The following MYCBP2 variants were observed in gnomAD, a reference collection of about 807,000 sequenced individuals.
MYCBP2 encodes E3 ubiquitin-protein ligase MYCBP2.
Under a neutral mutation model 525.3 loss-of-function variants are expected in MYCBP2, and 120 were observed. The observed-to-expected ratio is 0.23, with a 90% CI of 0.20 to 0.27. The LOEUF is 0.27. Ranked by LOEUF, MYCBP2 falls within the 10% of genes least tolerant of loss-of-function variation. The pLI, the probability that MYCBP2 is intolerant of heterozygous loss-of-function variation, is 1.00. For synonymous variants in MYCBP2, 1,894 were observed against 1,955.8 expected, an observed-to-expected ratio of 0.97 and a Z score of 0.83; for missense variants, 4,149 against 5,657.1, an observed-to-expected ratio of 0.73 and a Z score of 8.55.
chr13:77,049,644 A>G (rs747011350), intron 82 of MYCBP2, among the ~76,000 whole-genome samples: 2 of 151,666 alleles, frequency 1.3e-5, no homozygotes, highest in Non-Finnish European at 2.9e-5. Context: ...CTGTTCTGCA[A>G]TTTGCTTTTT....
At chr13:77,119,341 T>C (rs1464596882) in intron 55 of MYCBP2, among the ~76,000 whole-genome samples, 2 of 152,130 alleles carry the variant, frequency 1.3e-5, no homozygotes, top group Non-Finnish European at 2.9e-5. Flanking sequence ...AACTGGAAAA[T>C]AGTATCTTTC....
intron 17 of MYCBP2, among the ~76,000 whole-genome samples, chr13:77,241,257 T>G (rs1385588019): frequency 6.6e-6 from 1 of 152,188 alleles, no homozygotes; most frequent in Non-Finnish European, 1.5e-5. Context: ...CTTTATTTCC[T>G]ATATGCACAA....
chr13:77,210,863 A>G (rs1212203657), intron 23 of MYCBP2, among the ~76,000 whole-genome samples: 2 of 152,200 alleles, frequency 1.3e-5, no homozygotes, highest in East Asian at 3.8e-4. Context: ...CCTCTGTAGT[A>G]TTAGCATCCC....
rs1482770535 is a variant in MYCBP2, at chr13:77,098,468, A to C, written c.8686T>G (p.Ser2896Ala). The C allele has an allele frequency of 6.2e-7, 1 of 1,613,548 alleles. No homozygotes were observed. Among genetic ancestry groups the C allele is most frequent in the African/African-American group, 1.3e-5 (1 of 74,882 alleles). ...ACTGATTTTGGTTTTGGTGACGTTG[A>C]CCGTCCTCTCAAAGGTTCTGTGAGG... ...MPLTEPLRGR[S>A]TSPKPKSVPK... The change falls in exon 56 of 83, where the codon TCA (serine) becomes GCA (alanine). Residue 2896 changes from serine to alanine, a missense_variant. Ser to Ala is a moderately conservative substitution (Grantham distance 99, BLOSUM62 1). Coordinates refer to ENST00000544440, the MANE Select transcript of MYCBP2 (RefSeq NM_015057.5).
intron 43 of MYCBP2, among the ~76,000 whole-genome samples, 164 bp from the exon 44 acceptor site, chr13:77,162,119 T>C (rs147793109): frequency 5.3e-5 from 8 of 152,328 alleles, no homozygotes; most frequent in African/African-American, 1.9e-4. Flanking sequence ...TACAGTTTAA[T>C]ATATAAGATA....
rs866047341 is a variant in MYCBP2, at chr13:77,221,166, C to T, written c.2940-3209G>A. Among the ~76,000 whole-genome samples the T allele has an allele frequency of 9.9e-5, 15 of 151,392 alleles. No homozygotes were observed. The Middle Eastern group carries it at 0.014, about 137-fold the overall frequency. ...ACCAATGTTTAATCTTCATAAGAAACCCTGATATTTTGTTTCAACATTAAA... is the reference window on the plus strand; with the variant it reads ...ACCAATGTTTAATCTTCATAAGAAATCCTGATATTTTGTTTCAACATTAAA... On this transcript the variant is annotated intron_variant, in intron 20 of 82. Coordinates refer to ENST00000544440, the MANE Select transcript of MYCBP2 (RefSeq NM_015057.5).
chr13:77,121,428 A>G lies in MYCBP2; in HGVS notation c.8085T>C (p.Asn2695=). Residue 2695 remains asparagine, a synonymous_variant, in exon 55 of 83, where the codon AAT becomes AAC. Coordinates refer to ENST00000544440, the MANE Select transcript of MYCBP2 (RefSeq NM_015057.5). ...PPSPFSVQAF[N]KGASCSAQGF... ...CTTGGGCACTGCAACTTGCCCCTTT[A>G]TTAAAAGCTTGCACTGAGAAAGGGC... 1 of 1,598,620 alleles carries G rather than the reference A, an allele frequency of 6.3e-7. No individual in the cohort carries two copies. Among genetic ancestry groups the G allele is most frequent in the Non-Finnish European group, 8.6e-7 (1 of 1,169,382 alleles).
chr13:77,093,086 C>G, intron 59 of MYCBP2, 79 bp downstream of exon 59: 2 of 1,390,210 alleles, frequency 1.4e-6, no homozygotes, highest in Non-Finnish European at 1.9e-6. Context: ...TAAAGAACTT[C>G]TACAGGACTC....
At chr13:77,159,383 T>G (rs536512083) in intron 44 of MYCBP2, among the ~76,000 whole-genome samples, 1 of 147,816 alleles carries the variant, frequency 6.8e-6, no homozygotes, top group East Asian at 2.0e-4. Flanking sequence ...TGGGACACCA[T>G]TTTTTTTTTT....
chr13:77,135,647 ATACTG>A (rs1243020504), intron 52 of MYCBP2, among the ~76,000 whole-genome samples: 1 of 152,140 alleles, frequency 6.6e-6, no homozygotes, highest in Admixed American at 6.5e-5. Flanking sequence ...TAATTTTGCC[ATACTG>A]TACCCCATCT....
rs2040448546 is a variant in MYCBP2 at position 77,067,765 on chromosome 13, T to C, written c.12271A>G (p.Ile4091Val). The C allele has an allele frequency of 6.2e-7, 1 of 1,613,960 alleles. No individual in the cohort carries two copies. The highest frequency in any genetic ancestry group is 8.5e-7 in the Non-Finnish European group (1 of 1,179,950). Residue 4091 changes from isoleucine to valine, a missense_variant, in exon 71 of 83, where the codon ATC becomes GTC. Coordinates refer to ENST00000544440, the MANE Select transcript of MYCBP2 (RefSeq NM_015057.5). ...TCTCCTTTCTCTGTTGAGTGAATGA[T>C]ATCACTGATATCTGCTGGGGGGAGG... The part of the protein sequence containing the change: ...KSLPPADISD[I>V]IHSTEKGDWN...
chr13:77,195,489 C>T (rs192334427), intron 26 of MYCBP2, among the ~76,000 whole-genome samples: 226 of 152,108 alleles, frequency 1.5e-3, no homozygotes, highest in African/African-American at 4.3e-3. Context: ...CCCAGCTACT[C>T]GGGAAGCTGA....
chr13:77,050,320 G>GC (rs1446953098), intron 82 of MYCBP2, among the ~76,000 whole-genome samples: 1 of 152,082 alleles, frequency 6.6e-6, no homozygotes, highest in African/African-American at 2.4e-5. Flanking sequence ...ATGTACTTGT[G>GC]CATGTATTTT....
chr13:77,092,268 C>T (rs2045559474), intron 59 of MYCBP2, among the ~76,000 whole-genome samples: 1 of 152,146 alleles, frequency 6.6e-6, no homozygotes, highest in Admixed American at 6.5e-5. Flanking sequence ...TTATTCGTGA[C>T]TGAAATCTTC....
intron 55 of MYCBP2, among the ~76,000 whole-genome samples, chr13:77,114,415 A>C (rs1194412694): frequency 2.0e-5 from 3 of 152,166 alleles, no homozygotes; most frequent in Non-Finnish European, 4.4e-5. Flanking sequence ...CAGACCTGTC[A>C]GATAACTTAG....
chr13:77,201,234 G>T (rs2062498758), intron 26 of MYCBP2, among the ~76,000 whole-genome samples: 1 of 149,780 alleles, frequency 6.7e-6, no homozygotes, highest in African/African-American at 2.5e-5. Context: ...AAAGGCAGGG[G>T]TTGCAATCCT....
intron 41 of MYCBP2, 118 bp downstream of exon 41, chr13:77,166,211 G>T: frequency 1.4e-6 from 1 of 735,918 alleles, no homozygotes; most frequent in Non-Finnish European, 2.2e-6. Flanking sequence ...CAGATACATA[G>T]TAGGTCTTTA....
chr13:77,178,190 T>G (rs539431329), intron 34 of MYCBP2, among the ~76,000 whole-genome samples: 1 of 152,344 alleles, frequency 6.6e-6, no homozygotes, highest in East Asian at 1.9e-4. Flanking sequence ...AACTATACTT[T>G]CCACTTAATT....
intron 55 of MYCBP2, among the ~76,000 whole-genome samples, chr13:77,110,632 G>C (rs1317042265): frequency 6.6e-6 from 1 of 152,082 alleles, no homozygotes; most frequent in Non-Finnish European, 1.5e-5. Context: ...ATAAAAACCT[G>C]CTGGTTTTGT....
Sources: gnomAD v4.1 joint callset for allele counts (sites outside exome capture counted in the v4.1 genomes callset) on GRCh38, gnomAD v4.1.1 for gene constraint, MANE v1.5 for transcripts, NCBI Gene and HGNC (gene_info 2026-07-23, HGNC 2026-07-21) for gene names.